Variants in ZMAT3 observed in about 807,000 individuals in gnomAD.
ZMAT3 encodes zinc finger matrin-type 3.
In ZMAT3, 17 loss-of-function variants were observed where a neutral mutation model predicts 32.3. The observed-to-expected ratio is 0.53, with a 90% CI of 0.36 to 0.79. ZMAT3 has a LOEUF of 0.79. Among genes scored for constraint, ZMAT3 ranks in the 30% least tolerant of loss-of-function variants. The pLI is 0.00. For synonymous variants in ZMAT3, 120 were observed against 133.1 expected, an observed-to-expected ratio of 0.90 and a Z score of 0.68; for missense variants, 329 against 359.7, an observed-to-expected ratio of 0.91 and a Z score of 0.69.
chr3:179,031,450 C>A (rs1719186973), intron 2 of ZMAT3, among the ~76,000 whole-genome samples: 1 of 151,806 alleles, frequency 6.6e-6, no homozygotes, highest in African/African-American at 2.4e-5. Flanking sequence ...TTCCTTCACA[C>A]ATACACAACC....
chr3:179,054,878 G>A (rs536465884), intron 2 of ZMAT3, among the ~76,000 whole-genome samples: 8 of 152,258 alleles, frequency 5.3e-5, no homozygotes, highest in South Asian at 4.1e-4. Context: ...CTAAGTGCCC[G>A]GGTTCATCCT....
Position 179,018,587 on chromosome 3 carries a change from T to C in ZMAT3, c.*6430A>G, listed in dbSNP as rs1191094647. 1.3e-5 allele frequency: 2 copies of C among 152,100 alleles called. No individual in the cohort carries two copies. The highest frequency in any genetic ancestry group is 4.8e-5 in the African/African-American group (2 of 41,408). The allele number at this position is 152,100 out of a possible 1,614,324, so 9.4% of individuals were successfully genotyped here. On this transcript the variant is annotated 3_prime_UTR_variant, in exon 6 of 6. Transcript: ENST00000311417. ...CTGGAACATTTCAATTCTGATTCAATTCTACCCATTGAATCTTCATGACCT... is the reference window on the plus strand; with the variant it reads ...CTGGAACATTTCAATTCTGATTCAACTCTACCCATTGAATCTTCATGACCT...
At chr3:179,047,955 G>C (rs1720334415) in intron 2 of ZMAT3, among the ~76,000 whole-genome samples, 1 of 152,004 alleles carries the variant, frequency 6.6e-6, no homozygotes, top group South Asian at 2.1e-4. Context: ...GAAATAGATA[G>C]CATAAATAAA....
intron 2 of ZMAT3, among the ~76,000 whole-genome samples, chr3:179,056,053 A>G (rs1274670318): frequency 2.0e-5 from 3 of 152,180 alleles, no homozygotes; most frequent in Non-Finnish European, 2.9e-5. Flanking sequence ...GATGTCCACT[A>G]TAACACAGGG....
intron 2 of ZMAT3, among the ~76,000 whole-genome samples, chr3:179,039,913 T>C (rs1431972730): frequency 6.6e-6 from 1 of 152,080 alleles, no homozygotes; most frequent in Non-Finnish European, 1.5e-5. Flanking sequence ...AACCATGGCA[T>C]GGGAACTTCG....
chr3:179,031,922 AAACTCTCCCTCTCCCTC>A (rs1719223021), intron 2 of ZMAT3, among the ~76,000 whole-genome samples: 1 of 49,778 alleles, frequency 2.0e-5, no homozygotes, highest in African/African-American at 8.1e-5. Flanking sequence ...AAAAAAAAAA[AAACTCTCCCTCTCCCTC>A]CCCCTCCCCC....
intron 3 of ZMAT3, 42 bp downstream of exon 3, chr3:179,030,838 C>G: frequency 6.3e-7 from 1 of 1,588,830 alleles, no homozygotes; most frequent in Non-Finnish European, 8.6e-7. Context: ...CATATTACAG[C>G]TTCCACCCTA....
chr3:179,029,311 T>C (rs1219071662), intron 3 of ZMAT3, among the ~76,000 whole-genome samples: 5 of 152,216 alleles, frequency 3.3e-5, no homozygotes, highest in Non-Finnish European at 5.9e-5. Context: ...ATATGGCCAA[T>C]ACCTCTAAGT....
chr3:179,055,117 A>T (rs886789165), intron 2 of ZMAT3, among the ~76,000 whole-genome samples: 5 of 152,152 alleles, frequency 3.3e-5, no homozygotes, highest in African/African-American at 4.8e-5. Flanking sequence ...TGGCAACCAC[A>T]AAGGGACCTC....
intron 2 of ZMAT3, among the ~76,000 whole-genome samples, chr3:179,042,808 T>C (rs1162148626): frequency 1.3e-5 from 2 of 152,198 alleles, no homozygotes; most frequent in Non-Finnish European, 2.9e-5. Flanking sequence ...ATGACATGAT[T>C]GTATATTTAG....
intron 5 of ZMAT3, 85 bp downstream of exon 5, chr3:179,027,338 G>T: frequency 8.1e-7 from 1 of 1,227,000 alleles, no homozygotes; most frequent in Non-Finnish European, 1.2e-6. Context: ...AAATTCTCAG[G>T]GCTATCTATT....
chr3:179,027,955 C>T, intron 3 of ZMAT3, 143 bp from the exon 4 acceptor site: 1 of 843,174 alleles, frequency 1.2e-6, no homozygotes, highest in South Asian at 2.5e-5. Flanking sequence ...GAAAATAATT[C>T]AATCCAGGAA....
Position 179,024,068 on chromosome 3 carries a change from T to C in ZMAT3, c.*949A>G, listed in dbSNP as rs1403080562. ...CTTAAACTCATTGAATATTCAAATATGAGGCTTGGAAAACCCACAGCACAG... is the reference window on the plus strand; with the variant it reads ...CTTAAACTCATTGAATATTCAAATACGAGGCTTGGAAAACCCACAGCACAG... On this transcript the variant is annotated 3_prime_UTR_variant, in exon 6 of 6. Coordinates refer to ENST00000311417, the MANE Select transcript of ZMAT3 (RefSeq NM_022470.4). 6.6e-6 allele frequency: 1 copy of C among 151,930 alleles called. No individual in the cohort carries two copies. The highest frequency in any genetic ancestry group is 6.6e-5 in the Admixed American group (1 of 15,246). 9.4% of individuals were successfully genotyped at this position (151,930 alleles called of 1,614,324 possible).
intron 1 of ZMAT3, 23 bp from the exon 2 acceptor site, chr3:179,067,832 GA>G (rs148464623): frequency 3.5e-5 from 53 of 1,503,524 alleles, no homozygotes; most frequent in East Asian, 2.1e-4. Context: ...CAAAAAAACA[GA>G]AAAAAAAACT....
At chr3:179,056,968 G>A (rs1027088724) in intron 2 of ZMAT3, among the ~76,000 whole-genome samples, 3 of 152,196 alleles carry the variant, frequency 2.0e-5, no homozygotes, top group African/African-American at 7.2e-5. Flanking sequence ...CCAGCTTGAG[G>A]AAGGAATTAA....
chr3:179,042,036 A>G (rs1281739298), intron 2 of ZMAT3, among the ~76,000 whole-genome samples: 1 of 152,232 alleles, frequency 6.6e-6, no homozygotes, highest in Non-Finnish European at 1.5e-5. Flanking sequence ...CTAATCCAGG[A>G]AGAAGTTGAA....
At position 179,019,709 on chromosome 3, in the gene ZMAT3, G is replaced by A. The variant is rs1033938712; in HGVS notation, c.*5308C>T. On this transcript the variant is annotated 3_prime_UTR_variant, in exon 6 of 6. Coordinates refer to ENST00000311417, the MANE Select transcript of ZMAT3 (RefSeq NM_022470.4). ...AATTAATTAAACTAGGGAAAATTTT[G>A]CTTTTAATGGCTTCAAACCTGATTT... 2.6e-5 allele frequency: 4 copies of A among 152,076 alleles called. No homozygotes were observed. The highest frequency in any genetic ancestry group is 9.7e-5 in the African/African-American group (4 of 41,432). 9.4% of individuals were successfully genotyped at this position (152,076 alleles called of 1,614,324 possible). A position where few individuals can be genotyped will look rare whatever the true frequency, so the allele number is the denominator to read the frequency against.
chr3:179,039,743 GA>G (rs1245314505), intron 2 of ZMAT3, among the ~76,000 whole-genome samples: 2 of 152,154 alleles, frequency 1.3e-5, no homozygotes, highest in Non-Finnish European at 2.9e-5. Context: ...CGAGGTGACA[GA>G]AGTAGACTTC....
At chr3:179,040,110 T>A (rs1719834615) in intron 2 of ZMAT3, among the ~76,000 whole-genome samples, 3 of 152,160 alleles carry the variant, frequency 2.0e-5, no homozygotes, top group Non-Finnish European at 4.4e-5. Context: ...GTTTGATTGG[T>A]GTACCTGAAA....
Sources: allele counts gnomAD v4.1 joint callset (sites outside exome capture counted in the v4.1 genomes callset), GRCh38; gene constraint gnomAD v4.1.1; transcripts MANE v1.5; gene names NCBI Gene and HGNC (gene_info 2026-07-23, HGNC 2026-07-21).